GYS2: variants seen among roughly 807,000 people sequenced by gnomAD.
The protein encoded by GYS2 is glycogen synthase 2.
In GYS2, 80 loss-of-function variants were observed where a neutral mutation model predicts 85.6. That is an observed-to-expected ratio of 0.93 (90% CI 0.78 to 1.13). The LOEUF (loss-of-function observed/expected upper bound fraction) is 1.13. GYS2 is among the 50% of genes most tolerant of loss of function. The pLI is 0.00. For missense variants in GYS2, 881 were observed against 854.9 expected (o/e 1.03, Z -0.38); for synonymous variants, 328 against 300.7 (o/e 1.09, Z -0.94).
chr12:21,560,664 T>C (rs1413457970), intron 7 of GYS2, among the ~76,000 whole-genome samples, 172 bp from the exon 8 acceptor site: 1 of 152,232 alleles, frequency 6.6e-6, no homozygotes, highest in Admixed American at 6.5e-5. Flanking sequence ...TTTCAGAAAT[T>C]TTAATTAAAA....
chr12:21,586,052 G>A (rs911227392), intron 1 of GYS2, among the ~76,000 whole-genome samples: 9 of 152,150 alleles, frequency 5.9e-5, no homozygotes, highest in Non-Finnish European at 1.2e-4. Flanking sequence ...ATTGAAGTGT[G>A]CAAAGTATTG....
At position 21,562,698 on chromosome 12, in the gene GYS2, CAAAAA is replaced by C. The variant is rs60049724; in HGVS notation, c.1062+215_1062+219del. On this transcript the variant is annotated intron_variant, in intron 7 of 15. Coordinates refer to ENST00000261195, the MANE Select transcript of GYS2 (RefSeq NM_021957.4). The stretch of plus-strand genomic sequence containing the variant: ...ATAATGGGATAAGCTTAAGATTCTC[CAAAAA>C]AAAAAAAAAAAAAAAAAAGATGACA... Among the ~76,000 whole-genome samples the C allele has an allele frequency of 0.66, 65,282 of 98,606 alleles. 19,005 individuals carry two copies. Among genetic ancestry groups the C allele is most frequent in the South Asian group, 0.73 (2,122 of 2,912 alleles). The allele number at this position is 98,606 out of a possible 152,430, so 64.7% of individuals were successfully genotyped here.
chr12:21,554,174 G>T (rs63419463), intron 11 of GYS2, among the ~76,000 whole-genome samples: 108,383 of 150,096 alleles, frequency 0.72, 39,607 homozygotes, highest in South Asian at 0.79. Flanking sequence ...AAGGAAGGAG[G>T]GAAGGAAAAA....
Position 21,550,245 on chromosome 12 carries a change from C to T in GYS2, c.1423-3775G>A, listed in dbSNP as rs534087710. 1.2e-4 allele frequency among the ~76,000 whole-genome samples: 18 copies of T among 151,888 alleles called. No individual in the cohort carries two copies. The East Asian group carries it at 1.5e-3, about 13-fold the overall frequency. ...AGCAAATGGCATTTAGCAATCAAGA[C>T]GTGGCTACTAGGTGTGCTCATTGTC... is the stretch of plus-strand genomic sequence containing the variant. On this transcript the variant is annotated intron_variant, in intron 11 of 15. Transcript: ENST00000261195.
intron 1 of GYS2, 58 bp from the exon 2 acceptor site, chr12:21,580,581 T>C: frequency 7.9e-7 from 1 of 1,269,262 alleles, no homozygotes; most frequent in Non-Finnish European, 1.1e-6. Context: ...TTTAAAGTAA[T>C]AAGGGATGGA....
intron 2 of GYS2, among the ~76,000 whole-genome samples, chr12:21,579,288 G>A (rs1207949851): frequency 6.6e-6 from 1 of 151,558 alleles, no homozygotes; most frequent in African/African-American, 2.4e-5. Flanking sequence ...TAAAATCAGT[G>A]TGTTGACAGA....
At chr12:21,569,775 A>G (rs1944365025) in intron 4 of GYS2, among the ~76,000 whole-genome samples, 1 of 152,230 alleles carries the variant, frequency 6.6e-6, no homozygotes, top group African/African-American at 2.4e-5. Flanking sequence ...TTCATAGTGA[A>G]GATTTTTAGT....
intron 12 of GYS2, among the ~76,000 whole-genome samples, chr12:21,542,908 G>A (rs1413123407): frequency 6.6e-6 from 1 of 152,208 alleles, no homozygotes; most frequent in Non-Finnish European, 1.5e-5. Flanking sequence ...GAACCCTTGT[G>A]CGGAACTGCC....
intron 4 of GYS2, among the ~76,000 whole-genome samples, chr12:21,572,883 T>C (rs1476445763): frequency 6.6e-6 from 1 of 152,220 alleles, no homozygotes; most frequent in African/African-American, 2.4e-5. Flanking sequence ...TATTTTCTCC[T>C]TCACTGAAGT....
In GYS2 at chr12:21,604,647, C is replaced by G; in HGVS notation, c.-55G>C. ...AATTCCTGTTTCAATTAGTTGTAAT[C>G]CCAGGAGAAGAGAACTTACAGGCAC... On this transcript the variant is annotated 5_prime_UTR_variant, in exon 1 of 16. Coordinates refer to ENST00000261195, the MANE Select transcript of GYS2 (RefSeq NM_021957.4). The G allele has an allele frequency of 6.2e-7, 1 of 1,608,752 alleles. No homozygotes were observed. The highest frequency in any genetic ancestry group is 1.1e-5 in the South Asian group (1 of 90,766).
At chr12:21,593,071 T>A (rs1204430051) in intron 1 of GYS2, among the ~76,000 whole-genome samples, 1 of 151,928 alleles carries the variant, frequency 6.6e-6, no homozygotes, top group Non-Finnish European at 1.5e-5. Flanking sequence ...AATCAAAAAT[T>A]TTTTGAAACA....
chr12:21,533,699 T>G (rs567365982), downstream of GYS2, among the ~76,000 whole-genome samples: 2 of 152,366 alleles, frequency 1.3e-5, no homozygotes, highest in Admixed American at 1.3e-4. Flanking sequence ...ATTTATGTTC[T>G]CATCTGCATA....
chr12:21,548,212 A>C (rs1257271532), intron 11 of GYS2, among the ~76,000 whole-genome samples: 1 of 152,196 alleles, frequency 6.6e-6, no homozygotes, highest in Admixed American at 6.5e-5. Context: ...AACATGGAGA[A>C]AATTTTTTTT....
intron 11 of GYS2, among the ~76,000 whole-genome samples, chr12:21,550,739 G>A (rs4762842): frequency 0.72 from 108,994 of 152,040 alleles, 39,911 homozygotes; most frequent in South Asian, 0.79. Context: ...TCAGGAGTTC[G>A]AGACCAGCCT....
At chr12:21,544,889 C>T (rs1424836461) in intron 12 of GYS2, among the ~76,000 whole-genome samples, 1 of 152,070 alleles carries the variant, frequency 6.6e-6, no homozygotes, top group Non-Finnish European at 1.5e-5. Flanking sequence ...CCAAACATGC[C>T]CAGCCCTCAT....
At position 21,537,113 on chromosome 12, in the gene GYS2, G is replaced by A; in HGVS notation, c.1953C>T (p.Ala651=). The change falls in exon 16 of 16, where the codon GCC becomes GCT. Residue 651 remains alanine, a synonymous_variant. Transcript: ENST00000261195. Reference sequence around the variant, plus strand: ...CCACATCACTGCTCTGAGGACTGGAGGCCTGAGACCCTGAAGGAGAAGGTG... The same window carrying A: ...CCACATCACTGCTCTGAGGACTGGAAGCCTGAGACCCTGAAGGAGAAGGTG... ...SVPPSPSGSQ[A]SSPQSSDVED... 1 of 1,613,864 alleles carries A rather than the reference G, an allele frequency of 6.2e-7. No homozygotes were observed. The highest frequency in any genetic ancestry group is 8.5e-7 in the Non-Finnish European group (1 of 1,179,858).
intron 1 of GYS2, among the ~76,000 whole-genome samples, chr12:21,582,624 TATAGATATAG>T (rs1944525382): frequency 6.6e-6 from 1 of 151,392 alleles, no homozygotes; most frequent in Non-Finnish European, 1.5e-5. Flanking sequence ...TAGATATAGA[TATAGATATAG>T]ATATATATCT....
At chr12:21,539,189 A>G in intron 15 of GYS2, 69 bp downstream of exon 15, 2 of 899,218 alleles carry the variant, frequency 2.2e-6, no homozygotes, top group East Asian at 2.5e-5. Context: ...CTACTTCCAA[A>G]TTTAAATGTA....
chr12:21,556,283 T>C (rs1489843610), intron 11 of GYS2, among the ~76,000 whole-genome samples: 1 of 152,070 alleles, frequency 6.6e-6, no homozygotes, highest in African/African-American at 2.4e-5. Context: ...ATCCTCCCAC[T>C]TATGCCTCCC....
Sources: allele counts gnomAD v4.1 joint callset (sites outside exome capture counted in the v4.1 genomes callset), GRCh38; gene constraint gnomAD v4.1.1; transcripts MANE v1.5; gene names NCBI Gene and HGNC (gene_info 2026-07-23, HGNC 2026-07-21).